RETSAT: variants seen among roughly 807,000 people sequenced by gnomAD.
RETSAT encodes retinol saturase.
Under a neutral mutation model 61.6 loss-of-function variants are expected in RETSAT, and 35 were observed. The observed-to-expected ratio is 0.57, with a 90% confidence interval of 0.43 to 0.75. The LOEUF is 0.75. RETSAT is among the 30% of genes least tolerant of loss of function. RETSAT has a pLI of 0.00. For synonymous variants in RETSAT, 277 were observed against 310.4 expected, an observed-to-expected ratio of 0.89 and a Z score of 1.13; for missense variants, 670 against 759.5, an observed-to-expected ratio of 0.88 and a Z score of 1.38.
In RETSAT at chr2:85,344,094, C is replaced by T. The variant is rs373584536; in HGVS notation, c.1438G>A (p.Gly480Arg). ...WFEEWQAELKGKRGSDYETFK... is the reference protein window; with the variant it reads ...WFEEWQAELKRKRGSDYETFK... ...GTCTCATAGTCACTGCCCCGCTTTC[C>T]CTTCAGCTCCGCCTGCCACTCCTCA... is the stretch of plus-strand genomic sequence containing the variant. Residue 480 changes from glycine to arginine, a missense_variant, in exon 9 of 11, where the codon GGA becomes AGA. Physicochemically the swap from Gly to Arg is moderately radical, Grantham distance 125 (BLOSUM62 -2). Coordinates refer to ENST00000295802, the MANE Select transcript of RETSAT (RefSeq NM_017750.4). The T allele has an allele frequency of 2.4e-5, 38 of 1,614,020 alleles. No homozygotes were observed. In the African/African-American group the frequency reaches 4.0e-4, roughly 17 times the overall value.
intron 1 of RETSAT, among the ~76,000 whole-genome samples, chr2:85,352,539 C>G (rs1683316590): frequency 6.6e-6 from 1 of 152,078 alleles, no homozygotes. Context: ...CATGAGCCAC[C>G]GCGCCCCGCC....
In RETSAT at chr2:85,343,188, C is replaced by G. The variant is rs1573060352; in HGVS notation, c.*54G>C. 2 of 1,603,550 alleles carry G rather than the reference C, an allele frequency of 1.2e-6. No individual in the cohort carries two copies. Among genetic ancestry groups the G allele is most frequent in the African/African-American group, 1.3e-5 (1 of 74,766 alleles). On this transcript the variant is annotated 3_prime_UTR_variant, in exon 11 of 11. Transcript: ENST00000295802. ...ATGCAGAAAGACATTATGGGTAAGT[C>G]AAGGGAGATGCCCCAGCCATTGGGC... is the stretch of plus-strand genomic sequence containing the variant.
chr2:85,354,307 G>A (rs761808889), intron 1 of RETSAT, 29 bp downstream of exon 1: 1 of 1,612,936 alleles, frequency 6.2e-7, no homozygotes, highest in South Asian at 1.1e-5. Context: ...CTCGAGTGCA[G>A]CCCCGGACCC....
At chr2:85,352,305 G>A (rs1021970508) in intron 1 of RETSAT, among the ~76,000 whole-genome samples, 2 of 151,998 alleles carry the variant, frequency 1.3e-5, no homozygotes, top group Non-Finnish European at 2.9e-5. Flanking sequence ...GTGCAGTGGC[G>A]CAATCTCCGC....
At position 85,344,996 on chromosome 2, in the gene RETSAT, AGGACAGTGTCAGTTCCCAGAGGTCCTG is replaced by A. The variant is rs1457509205; in HGVS notation, c.1118-291_1118-265del. Among the ~76,000 whole-genome samples the A allele has an allele frequency of 2.0e-5, 3 of 152,226 alleles. No homozygotes were observed. In the East Asian group the frequency reaches 5.8e-4, roughly 29 times the overall value. ...ATGACTGTAGCAGGGCTGCCTGGCC[AGGACAGTGTCAGTTCCCAGAGGTCCTG>A]GGACAGGGGAGAAGGGAGGTCAGGG... On this transcript the variant is annotated intron_variant, in intron 6 of 10. Coordinates refer to ENST00000295802, the MANE Select transcript of RETSAT (RefSeq NM_017750.4).
At chr2:85,345,212 G>C (rs1279041650) in intron 6 of RETSAT, among the ~76,000 whole-genome samples, 1 of 152,196 alleles carries the variant, frequency 6.6e-6, no homozygotes, top group Non-Finnish European at 1.5e-5. Flanking sequence ...GCAGGGTGAA[G>C]GAAGGAGAGG....
Position 85,343,068 on chromosome 2 carries a change from G to A in RETSAT, c.*174C>T. On this transcript the variant is annotated 3_prime_UTR_variant, in exon 11 of 11. Coordinates refer to ENST00000295802, the MANE Select transcript of RETSAT (RefSeq NM_017750.4). Reference sequence around the variant, plus strand: ...CTCACCTGCCCCAGCTGGAAGCAGTGATTCCATTGCCCCAGATTCGGAATT... The same window carrying A: ...CTCACCTGCCCCAGCTGGAAGCAGTAATTCCATTGCCCCAGATTCGGAATT... The A allele has an allele frequency of 2.4e-6, 2 of 828,530 alleles. No individual in the cohort carries two copies. Among genetic ancestry groups the A allele is most frequent in the Non-Finnish European group, 3.7e-6 (2 of 534,374 alleles). The allele number at this position is 828,530 out of a possible 1,614,324, so 51.3% of individuals were successfully genotyped here.
rs780371056 is a variant in RETSAT at position 85,346,045 on chromosome 2, G to A, written c.1047C>T (p.Ile349=). The A allele has an allele frequency of 5.0e-5, 80 of 1,614,050 alleles. 1 individual carries two copies. In the South Asian group the frequency reaches 6.1e-4, roughly 12 times the overall value. ...GHELVNIYCP[I]VVSNAGLFNT... ...TGAACAGTCCTGCGTTGGAGACCAC[G>A]ATGGGGCAATAGATGTTCACCAGCT... is the stretch of plus-strand genomic sequence containing the variant. The change falls in exon 6 of 11, where the codon ATC becomes ATT. Residue 349 remains isoleucine, a synonymous_variant. Coordinates refer to ENST00000295802, the MANE Select transcript of RETSAT (RefSeq NM_017750.4).
At chr2:85,345,809 G>A (rs773335503) in intron 6 of RETSAT, 166 bp downstream of exon 6, 2 of 854,554 alleles carry the variant, frequency 2.3e-6, no homozygotes, top group Non-Finnish European at 3.9e-6. Flanking sequence ...AACATTAAAT[G>A]CTAGGGTTAG....
In RETSAT at chr2:85,350,987, G is replaced by A. The variant is rs753555472; in HGVS notation, c.390C>T (p.Ser130=). Residue 130 remains serine (S), a synonymous_variant, in exon 3 of 11, where the codon AGC becomes AGT. Transcript: ENST00000295802. ...IHYIGRMEEG[S]IGRFILDQIT... is the part of the protein sequence containing the mutation. ...TCTGGTCCAAGATAAAACGGCCAAT[G>A]CTGCCCTCTTCCATACGCCCAATGT... is the stretch of plus-strand genomic sequence containing the variant. 1.2e-6 allele frequency: 2 copies of A among 1,614,176 alleles called. No individual in the cohort carries two copies. Among genetic ancestry groups the A allele is most frequent in the South Asian group, 2.2e-5 (2 of 91,082 alleles).
intron 6 of RETSAT, chr2:85,345,615 G>A: frequency 5.3e-6 from 2 of 378,710 alleles, no homozygotes; most frequent in Non-Finnish European, 1.0e-5. Flanking sequence ...CGGCGGCTCT[G>A]CTCCCTGTGG....
chr2:85,352,773 G>C (rs1683322365), intron 1 of RETSAT, among the ~76,000 whole-genome samples: 1 of 152,186 alleles, frequency 6.6e-6, no homozygotes, highest in Non-Finnish European at 1.5e-5. Flanking sequence ...TGATGAAAAG[G>C]CTTGGGCAGG....
At chr2:85,347,676 CTCTA>C (rs1254169373) in intron 5 of RETSAT, among the ~76,000 whole-genome samples, 2 of 152,236 alleles carry the variant, frequency 1.3e-5, no homozygotes, top group East Asian at 3.8e-4. Context: ...CCTCTTTTAT[CTCTA>C]TCTTTTATTA....
At chr2:85,346,205 C>T in intron 5 of RETSAT, 111 bp from the exon 6 acceptor site, 1 of 1,424,956 alleles carries the variant, frequency 7.0e-7, no homozygotes, top group South Asian at 1.4e-5. Context: ...ACCTTGGAGT[C>T]CAGCTACCTA....
At chr2:85,345,782 T>C (rs1352755210) in intron 6 of RETSAT, 193 bp downstream of exon 6, 1 of 744,502 alleles carries the variant, frequency 1.3e-6, no homozygotes, top group Admixed American at 2.0e-5. Context: ...TTAATCTGTA[T>C]GGGCCTCAGT....
chr2:85,351,152 TGTCTGTA>T, intron 2 of RETSAT, 131 bp from the exon 3 acceptor site: 1 of 1,091,302 alleles, frequency 9.2e-7, no homozygotes, highest in Non-Finnish European at 1.3e-6. Flanking sequence ...CTGCTCACTC[TGTCTGTA>T]GGGAGGTGTC....
At position 85,349,568 on chromosome 2, in the gene RETSAT, G is replaced by T. The variant is rs1251744938; in HGVS notation, c.813C>A (p.Asn271Lys). ...GGGCGTGCATGGAAAAGGCACTGTGGTTGGGGGTGACACCTGCAGAAGCAA... is the reference window on the plus strand; with the variant it reads ...GGGCGTGCATGGAAAAGGCACTGTGTTTGGGGGTGACACCTGCAGAAGCAA... ...YIFPTYGVTP[N>K]HSAFSMHALL... The change falls in exon 5 of 11, where the codon AAC (asparagine) becomes AAA (lysine). Residue 271 changes from asparagine (N) to lysine (K), a missense_variant. Asn to Lys is a moderately conservative substitution (Grantham distance 94). Transcript: ENST00000295802. The T allele has an allele frequency of 1.2e-6, 2 of 1,614,136 alleles. No homozygotes were observed. Among genetic ancestry groups the T allele is most frequent in the Non-Finnish European group, 8.5e-7 (1 of 1,180,014 alleles).
intron 9 of RETSAT, 59 bp from the exon 10 acceptor site, chr2:85,343,857 T>C: frequency 5.6e-6 from 9 of 1,602,004 alleles, no homozygotes; most frequent in South Asian, 5.5e-5. Context: ...CCTCTTCCAC[T>C]CTTTCCCATT....
intron 4 of RETSAT, 51 bp downstream of exon 4, chr2:85,349,989 G>A: frequency 1.9e-6 from 3 of 1,540,158 alleles, no homozygotes; most frequent in East Asian, 2.3e-5. Flanking sequence ...GAGATGAGAG[G>A]GCAGCCGTTC....
Sources: allele counts gnomAD v4.1 joint callset (sites outside exome capture counted in the v4.1 genomes callset), GRCh38; gene constraint gnomAD v4.1.1; transcripts MANE v1.5; gene names NCBI Gene and HGNC (gene_info 2026-07-23, HGNC 2026-07-21).